Variants in CCDC92 observed in about 807,000 individuals in gnomAD.
The protein encoded by CCDC92 is coiled-coil domain containing 92, also known as coiled-coil domain-containing protein 92.
A neutral mutation model predicts 24.9 loss-of-function variants in CCDC92; 12 were observed. That is an observed-to-expected ratio of 0.48 (90% CI 0.31 to 0.78). The LOEUF is 0.78. Ranked by LOEUF, CCDC92 falls within the 30% of genes least tolerant of loss-of-function variation. CCDC92 has a pLI of 0.05. For missense variants in CCDC92, 399 were observed against 439.4 expected (o/e 0.91, Z 0.82); for synonymous variants, 193 against 196.3 (o/e 0.98, Z 0.14).
intron 1 of CCDC92, among the ~76,000 whole-genome samples, chr12:123,964,547 C>T (rs1341414418): frequency 6.6e-6 from 1 of 152,024 alleles, no homozygotes; most frequent in African/African-American, 2.4e-5. Flanking sequence ...CTTTGTGGAG[C>T]TAATATTTGG....
chr12:123,937,542 C>A lies in CCDC92; in HGVS notation c.512G>T (p.Ser171Ile). Residue 171 changes from serine to isoleucine, a missense_variant, in exon 5 of 5, where the codon AGC becomes ATC. Coordinates refer to ENST00000238156, the MANE Select transcript of CCDC92 (RefSeq NM_025140.3). The surrounding 1 kb of genome is among the most constrained non-coding windows in gnomAD (Gnocchi z 8.4). ...QLHAAKKKLM[S>I]SSGTSDASPS... ...GCTGGCATCTGAGGTCCCGCTGGAG[C>A]TCATGAGCTTCTTCTTGGCGGCGTG... 1 of 1,612,482 alleles carries A rather than the reference C, an allele frequency of 6.2e-7. No individual in the cohort carries two copies. The highest frequency in any genetic ancestry group is 8.5e-7 in the Non-Finnish European group (1 of 1,180,024).
intron 1 of CCDC92, among the ~76,000 whole-genome samples, chr12:123,952,700 GACA>G (rs1168928769): frequency 6.6e-6 from 1 of 152,144 alleles, no homozygotes; most frequent in Non-Finnish European, 1.5e-5. Context: ...AATAAAAACG[GACA>G]ACATTTCAAG....
chr12:123,955,950 A>G (rs910467254), intron 1 of CCDC92, among the ~76,000 whole-genome samples: 1 of 152,246 alleles, frequency 6.6e-6, no homozygotes, highest in African/African-American at 2.4e-5. Context: ...CAGCCATGTC[A>G]TCTTGGACAG....
rs144846838 is a variant in CCDC92 at position 123,966,052 on chromosome 12, G to A, written c.-60+6477C>T. On this transcript the variant is annotated intron_variant, in intron 1 of 4. Coordinates refer to ENST00000238156, the MANE Select transcript of CCDC92 (RefSeq NM_025140.3). ...ACTGGGTATAGAAGATGCATGCAAA[G>A]GCTAACACAATGACTGTCAAAAAGA... The A allele has an allele frequency of 2.5e-3, 381 of 152,322 alleles. 2 individuals carry two copies. The highest frequency in any genetic ancestry group is 8.9e-3 in the African/African-American group (371 of 41,562). 9.4% of individuals were successfully genotyped at this position (152,322 alleles called of 1,614,324 possible). A position where few individuals can be genotyped will look rare whatever the true frequency, so the allele number is the denominator to read the frequency against.
chr12:123,961,989 G>A (rs1186214187), intron 1 of CCDC92, among the ~76,000 whole-genome samples: 5 of 152,118 alleles, frequency 3.3e-5, no homozygotes, highest in Non-Finnish European at 7.4e-5. Flanking sequence ...AAATATAAAA[G>A]TGCATATCCC....
intron 1 of CCDC92, among the ~76,000 whole-genome samples, chr12:123,963,475 A>T (rs572763074): frequency 7.9e-5 from 12 of 152,348 alleles, no homozygotes; most frequent in Admixed American, 3.3e-4. Context: ...GAGTGCAGAA[A>T]GGGACTACTT....
intron 4 of CCDC92, among the ~76,000 whole-genome samples, chr12:123,939,891 C>T (rs1256794419): frequency 6.6e-6 from 1 of 152,242 alleles, no homozygotes; most frequent in Admixed American, 6.5e-5. Flanking sequence ...TACCCGCTGT[C>T]CTTCCCCCAG....
chr12:123,944,283 C>T lies in CCDC92; in HGVS notation c.23G>A (p.Ser8Asn). The T allele has an allele frequency of 6.3e-7, 1 of 1,595,582 alleles. No individual in the cohort carries two copies. The highest frequency in any genetic ancestry group is 8.5e-7 in the Non-Finnish European group (1 of 1,170,678). ...GCCCCAGACTCTACCTTCATCGTAACTCGAGAAATGTGGTGAAGTCATGGG... is the reference window on the plus strand; with the variant it reads ...GCCCCAGACTCTACCTTCATCGTAATTCGAGAAATGTGGTGAAGTCATGGG... Reference protein sequence around the residue: MTSPHFSSYDEGPLDVSM... With the variant: MTSPHFSNYDEGPLDVSM... The change falls in exon 2 of 5, where the codon AGT (serine) becomes AAT (asparagine). Residue 8 changes from serine to asparagine, a missense_variant. Ser to Asn is a conservative substitution (Grantham distance 46). Transcript: ENST00000238156.
At chr12:123,968,459 GTAA>G (rs1256446734) in intron 1 of CCDC92, 1 of 151,992 alleles carries the variant, frequency 6.6e-6, no homozygotes, top group Non-Finnish European at 1.5e-5. Context: ...TGTTGTCCTG[GTAA>G]TAATATTTAA....
rs1955491867 is a variant in CCDC92, at chr12:123,936,386, A to AAAAG, written c.*668_*671dup. On this transcript the variant is annotated 3_prime_UTR_variant, in exon 5 of 5. Transcript: ENST00000238156. ...GCCCTCCTTCAGGTGTTTGTTTAAT[A>AAAAG]AAAGACACAAAACAGAAGGAAGGCA... 6.6e-6 allele frequency: 1 copy of AAAAG among 152,658 alleles called. No homozygotes were observed. The highest frequency in any genetic ancestry group is 2.4e-5 in the African/African-American group (1 of 41,442). The allele number at this position is 152,658 out of a possible 1,614,324, so 9.5% of individuals were successfully genotyped here. A position where few individuals can be genotyped will look rare whatever the true frequency, so the allele number is the denominator to read the frequency against.
chr12:123,959,529 T>A (rs1180232685), intron 1 of CCDC92, among the ~76,000 whole-genome samples: 1 of 152,204 alleles, frequency 6.6e-6, no homozygotes, highest in Admixed American at 6.5e-5. Flanking sequence ...GGTTTCAAAC[T>A]CCTGACCTCA....
chr12:123,943,776 CAA>C (rs928774962), intron 2 of CCDC92: 1 of 530,560 alleles, frequency 1.9e-6, no homozygotes, highest in African/African-American at 1.9e-5. Flanking sequence ...CTCCAGAGTA[CAA>C]AGTCATTTCC....
rs1955571726 is a variant in CCDC92 at position 123,937,901 on chromosome 12, CA to C, written c.224-72del. The C allele has an allele frequency of 2.0e-6, 3 of 1,467,764 alleles. No homozygotes were observed. The African/African-American group carries it at 4.2e-5, about 21-fold the overall frequency. The allele number at this position is 1,467,764 out of a possible 1,614,324, so 90.9% of individuals were successfully genotyped here. A position where few individuals can be genotyped will look rare whatever the true frequency, so the allele number is the denominator to read the frequency against. On this transcript the variant is annotated intron_variant, in intron 4 of 4. Coordinates refer to ENST00000238156, the MANE Select transcript of CCDC92 (RefSeq NM_025140.3). This position sits in a 1 kb window ranked among gnomAD's most constrained non-coding sequence, Gnocchi z 8.4. ...AGGCCGAGTGGTGAGGCCTATGGGG[CA>C]GGCGGACCTGTCTGGTGGGGGCCCT...
rs370479179 is a variant in CCDC92 at position 123,937,105 on chromosome 12, C to T, written c.949G>A (p.Gly317Arg). Residue 317 changes from glycine (G) to arginine (R), a missense_variant, in exon 5 of 5, where the codon GGA (glycine) becomes AGA (arginine). Physicochemically the swap from Gly to Arg is moderately radical, Grantham distance 125 (BLOSUM62 -2). Transcript: ENST00000238156. The surrounding 1 kb of genome is among the most constrained non-coding windows in gnomAD (Gnocchi z 8.4). ...GAGTGCTTCCTCACCACCTTGCCTC[C>T]GTTCACCTGGTCGACCGCCAGGGTC... ...VKTLAVDQVN[G>R]GKVVRKHSGT... The T allele has an allele frequency of 3.3e-5, 54 of 1,613,778 alleles. No homozygotes were observed. The highest frequency in any genetic ancestry group is 1.9e-4 in the African/African-American group (14 of 74,942).
At chr12:123,964,411 G>T (rs1367989588) in intron 1 of CCDC92, among the ~76,000 whole-genome samples, 1 of 150,504 alleles carries the variant, frequency 6.6e-6, no homozygotes, top group Non-Finnish European at 1.5e-5. Context: ...TCTTCTATAT[G>T]GGGGGGTGAT....
intron 1 of CCDC92, among the ~76,000 whole-genome samples, chr12:123,954,371 G>A (rs1050693559): frequency 3.3e-5 from 5 of 152,092 alleles, no homozygotes; most frequent in Non-Finnish European, 5.9e-5. Context: ...TTTTATTAAG[G>A]CTCATCGACA....
chr12:123,965,924 G>A (rs563952132), intron 1 of CCDC92, among the ~76,000 whole-genome samples: 67 of 152,308 alleles, frequency 4.4e-4, no homozygotes, highest in Middle Eastern at 3.4e-3. Context: ...GCTTATCTAC[G>A]GATGGGGCTG....
rs749427681 is a variant in CCDC92, at chr12:123,937,154, C to T, written c.900G>A (p.Pro300=). 2.2e-5 allele frequency: 35 copies of T among 1,611,556 alleles called. No individual in the cohort carries two copies. The highest frequency in any genetic ancestry group is 1.6e-4 in the Middle Eastern group (1 of 6,084). The part of the protein sequence containing the change: ...GVAHRIHHAT[P]PQAQPEVKTL... Reference sequence around the variant, plus strand: ...TCTTCACCTCGGGCTGGGCCTGCGGCGGGGTGGCGTGGTGGATCCGATGTG... The same window carrying T: ...TCTTCACCTCGGGCTGGGCCTGCGGTGGGGTGGCGTGGTGGATCCGATGTG... The change falls in exon 5 of 5, where the codon CCG becomes CCA. Residue 300 remains proline (P), a synonymous_variant. Transcript: ENST00000238156. The surrounding 1 kb of genome is among the most constrained non-coding windows in gnomAD (Gnocchi z 8.4).
intron 1 of CCDC92, among the ~76,000 whole-genome samples, chr12:123,972,264 G>A (rs1049578580): frequency 2.0e-5 from 3 of 151,790 alleles, no homozygotes; most frequent in Admixed American, 6.5e-5. Flanking sequence ...GAGCCTCAGG[G>A]ACCCTCTTTC....
Sources: allele counts gnomAD v4.1 joint callset (sites outside exome capture counted in the v4.1 genomes callset), GRCh38; gene constraint gnomAD v4.1.1; non-coding constraint Gnocchi (gnomAD v3.1); transcripts MANE v1.5; gene names NCBI Gene and HGNC (gene_info 2026-07-23, HGNC 2026-07-21).